ITFG1: variants seen among roughly 807,000 people sequenced by gnomAD.
ITFG1 encodes the protein T-cell immunomodulatory protein.
Under a neutral mutation model 81.8 loss-of-function variants are expected in ITFG1, and 34 were observed. The observed-to-expected ratio is 0.42, with a 90% CI of 0.32 to 0.55. The LOEUF (loss-of-function observed/expected upper bound fraction) is 0.55. Ranked by LOEUF, ITFG1 falls within the 20% of genes least tolerant of loss-of-function variation. The probability of loss-of-function intolerance (pLI) is 0.17; values close to 1 mark genes in which losing one functional copy is unlikely to be tolerated. For synonymous variants in ITFG1, 285 were observed against 270.6 expected (o/e 1.05, Z -0.52); for missense variants, 672 against 755.4 (o/e 0.89, Z 1.29).
chr16:47,429,562 T>C (rs1219402469), intron 5 of ITFG1, among the ~76,000 whole-genome samples: 2 of 152,218 alleles, frequency 1.3e-5, no homozygotes, highest in Non-Finnish European at 2.9e-5. Flanking sequence ...TGTAGGAGAA[T>C]TCCAGTATCT....
At position 47,453,447 on chromosome 16, in the gene ITFG1, T is replaced by C. The variant is rs535646167; in HGVS notation, c.427+566A>G. On this transcript the variant is annotated intron_variant, in intron 3 of 17. Transcript: ENST00000320640. ...AACCAAAAATAGCATTTTCCAGATA[T>C]TGTGGCATCTGAGATGCTGAATAAA... is the stretch of plus-strand genomic sequence containing the variant. Among the ~76,000 whole-genome samples the C allele has an allele frequency of 5.3e-5, 8 of 152,314 alleles. No individual in the cohort carries two copies. In the South Asian group the frequency reaches 1.4e-3, roughly 28 times the overall value.
At chr16:47,286,801 A>G (rs1966871288) in intron 10 of ITFG1, among the ~76,000 whole-genome samples, 1 of 152,136 alleles carries the variant, frequency 6.6e-6, no homozygotes. Flanking sequence ...GCTTTGATAC[A>G]TTATACAGTT....
chr16:47,407,725 G>A (rs969686450), intron 6 of ITFG1, among the ~76,000 whole-genome samples: 4 of 152,122 alleles, frequency 2.6e-5, no homozygotes, highest in African/African-American at 9.7e-5. Context: ...AGGTGGTTTA[G>A]GAGGAAAGAT....
intron 17 of ITFG1, 84 bp downstream of exon 17, chr16:47,158,789 A>T: frequency 1.7e-6 from 1 of 595,278 alleles, no homozygotes; most frequent in Admixed American, 3.0e-5. Context: ...AAAAGTTTAA[A>T]ATAAATATAG....
At chr16:47,279,021 A>T (rs1966426024) in intron 10 of ITFG1, among the ~76,000 whole-genome samples, 1 of 152,086 alleles carries the variant, frequency 6.6e-6, no homozygotes, top group Non-Finnish European at 1.5e-5. Flanking sequence ...GTTTTTTTAT[A>T]TATTGTGAAT....
At chr16:47,242,534 A>T (rs868057067) in intron 12 of ITFG1, among the ~76,000 whole-genome samples, 20 of 152,302 alleles carry the variant, frequency 1.3e-4, no homozygotes, top group South Asian at 2.1e-4. Flanking sequence ...GACAAGGACT[A>T]TAGATAGAAA....
chr16:47,244,557 T>C (rs1965974602), intron 12 of ITFG1, among the ~76,000 whole-genome samples: 1 of 151,918 alleles, frequency 6.6e-6, no homozygotes, highest in Admixed American at 6.6e-5. Context: ...GTCCTGTCTC[T>C]TATGTTATGC....
intron 13 of ITFG1, among the ~76,000 whole-genome samples, chr16:47,235,939 T>C (rs925616047): frequency 6.6e-6 from 1 of 151,982 alleles, no homozygotes; most frequent in African/African-American, 2.4e-5. Flanking sequence ...AGAAGGAAAA[T>C]GATATGGTGA....
At chr16:47,398,961 T>C (rs1211410931) in intron 6 of ITFG1, among the ~76,000 whole-genome samples, 1 of 152,208 alleles carries the variant, frequency 6.6e-6, no homozygotes, top group Non-Finnish European at 1.5e-5. Context: ...AAGAATCTTC[T>C]ATTATCAGGA....
intron 6 of ITFG1, among the ~76,000 whole-genome samples, chr16:47,422,776 T>C (rs1002401370): frequency 3.0e-4 from 45 of 152,186 alleles, no homozygotes; most frequent in African/African-American, 6.5e-4. Context: ...AGTTTTTTTT[T>C]CCCATAGATG....
intron 10 of ITFG1, among the ~76,000 whole-genome samples, chr16:47,303,476 C>T (rs891250748): frequency 8.6e-6 from 1 of 115,966 alleles, no homozygotes; most frequent in African/African-American, 3.4e-5. Flanking sequence ...CCCAATATAG[C>T]ACTTAATCTA....
At chr16:47,255,294 A>C (rs545000012) in intron 12 of ITFG1, among the ~76,000 whole-genome samples, 24 of 152,008 alleles carry the variant, frequency 1.6e-4, no homozygotes, top group Non-Finnish European at 3.2e-4. Context: ...GAGAGGAAAA[A>C]CTCACTGTCA....
intron 12 of ITFG1, among the ~76,000 whole-genome samples, chr16:47,246,392 G>T (rs573765239): frequency 3.3e-4 from 51 of 152,272 alleles, no homozygotes; most frequent in Non-Finnish European, 6.9e-4. Flanking sequence ...ATAAAAAGGG[G>T]TGTCTACATA....
At chr16:47,169,269 TGAA>T (rs1411342641) in intron 14 of ITFG1, among the ~76,000 whole-genome samples, 1 of 152,218 alleles carries the variant, frequency 6.6e-6, no homozygotes, top group African/African-American at 2.4e-5. Context: ...ACAGACCACT[TGAA>T]TCTGTAGATT....
chr16:47,241,491 T>C (rs1445678270), intron 12 of ITFG1, among the ~76,000 whole-genome samples: 1 of 152,216 alleles, frequency 6.6e-6, no homozygotes, highest in Non-Finnish European at 1.5e-5. Context: ...TACTGACGCA[T>C]ATTATAACAT....
At chr16:47,304,972 T>C (rs1967134705) in intron 10 of ITFG1, among the ~76,000 whole-genome samples, 1 of 152,178 alleles carries the variant, frequency 6.6e-6, no homozygotes, top group Non-Finnish European at 1.5e-5. Context: ...AAGTTAACTG[T>C]ATATGTTGAT....
intron 5 of ITFG1, among the ~76,000 whole-genome samples, chr16:47,444,772 C>T (rs1969301606): frequency 6.6e-6 from 1 of 152,174 alleles, no homozygotes; most frequent in Non-Finnish European, 1.5e-5. Flanking sequence ...GTCACATCTG[C>T]AACAATCATT....
rs932103796 is a variant in ITFG1, at chr16:47,155,644, T to A, written c.*75A>T. On this transcript the variant is annotated 3_prime_UTR_variant, in exon 18 of 18. Coordinates refer to ENST00000320640, the MANE Select transcript of ITFG1 (RefSeq NM_030790.5). ...TTTATAAATAATATTTAATCTCCCC[T>A]ATTTTTTCAAGCCAGAATTTGTGTT... 2.2e-6 allele frequency: 2 copies of A among 914,454 alleles called. No individual in the cohort carries two copies. The highest frequency in any genetic ancestry group is 3.5e-6 in the Non-Finnish European group (2 of 576,594). 56.6% of individuals were successfully genotyped at this position (914,454 alleles called of 1,614,324 possible). A position where few individuals can be genotyped will look rare whatever the true frequency, so the allele number is the denominator to read the frequency against.
intron 7 of ITFG1, among the ~76,000 whole-genome samples, chr16:47,368,962 A>G (rs1476896004): frequency 6.6e-6 from 1 of 152,178 alleles, no homozygotes; most frequent in East Asian, 1.9e-4. Flanking sequence ...AGTTGGGGGA[A>G]AAGACAACAC....
Sources: allele counts gnomAD v4.1 joint callset (sites outside exome capture counted in the v4.1 genomes callset), GRCh38; gene constraint gnomAD v4.1.1; transcripts MANE v1.5; gene names NCBI Gene and HGNC (gene_info 2026-07-23, HGNC 2026-07-21).